Variants in EPC2 observed in about 807,000 individuals in gnomAD.
EPC2 encodes the protein enhancer of polycomb homolog 2.
Under a neutral mutation model 92.1 loss-of-function variants are expected in EPC2, and 14 were observed. The ratio of observed to expected loss-of-function variants is 0.15; its 90% CI spans 0.10 to 0.24. The LOEUF (loss-of-function observed/expected upper bound fraction) is 0.24. Among genes scored for constraint, EPC2 ranks in the 10% least tolerant of loss-of-function variants. EPC2 has a pLI of 1.00. For synonymous variants in EPC2, 340 were observed against 334.7 expected (o/e 1.02, Z -0.17); for missense variants, 755 against 971.5 (o/e 0.78, Z 2.96).
chr2:148,696,845 C>T (rs1362221217), intron 2 of EPC2, among the ~76,000 whole-genome samples: 1 of 152,168 alleles, frequency 6.6e-6, no homozygotes, highest in African/African-American at 2.4e-5. Context: ...AGGAAATTTG[C>T]CTTCTCATCT....
At chr2:148,782,994 T>C (rs932317173) in intron 11 of EPC2, among the ~76,000 whole-genome samples, 1 of 152,182 alleles carries the variant, frequency 6.6e-6, no homozygotes, top group Non-Finnish European at 1.5e-5. Flanking sequence ...ACTTTAAAGA[T>C]CCTGACTCCA....
chr2:148,748,770 C>A (rs551060185), intron 3 of EPC2, among the ~76,000 whole-genome samples: 2 of 151,930 alleles, frequency 1.3e-5, no homozygotes, highest in African/African-American at 4.8e-5. Context: ...TGTCAAATAA[C>A]GTCAGGTGTG....
intron 10 of EPC2, among the ~76,000 whole-genome samples, chr2:148,777,960 A>T (rs550315034): frequency 6.6e-6 from 1 of 152,326 alleles, no homozygotes; most frequent in Admixed American, 6.5e-5. Context: ...TAACGTCCTG[A>T]ATGACATATT....
chr2:148,726,727 A>C (rs534106474), intron 2 of EPC2, among the ~76,000 whole-genome samples: 7 of 139,094 alleles, frequency 5.0e-5, no homozygotes, highest in African/African-American at 1.8e-4. Flanking sequence ...AAAATCTTTA[A>C]ATTTTTGCTT....
intron 2 of EPC2, among the ~76,000 whole-genome samples, chr2:148,728,301 TTTTG>T (rs142636211): frequency 0.061 from 9,283 of 152,198 alleles, 300 homozygotes; most frequent in East Asian, 0.11. Context: ...ACCTTGCTTT[TTTTG>T]TTTGTTTGTT....
chr2:148,740,226 CTCTT>C lies in EPC2; in HGVS notation c.314-3394_314-3391del, dbSNP rs558891850. Among the ~76,000 whole-genome samples, 6 of 148,908 alleles carry C rather than the reference CTCTT, an allele frequency of 4.0e-5. No homozygotes were observed. The East Asian group carries it at 1.2e-3, about 29-fold the overall frequency. On this transcript the variant is annotated intron_variant, in intron 2 of 13. Coordinates refer to ENST00000258484, the MANE Select transcript of EPC2 (RefSeq NM_015630.4). The stretch of plus-strand genomic sequence containing the variant: ...TTTATTCAGTAGCTTTTAGTATGTC[CTCTT>C]TTTTTTTTTTTCTCTAAGTGCCATG...
chr2:148,770,881 T>C lies in EPC2; in HGVS notation c.1320T>C (p.Leu440=), dbSNP rs759765288. ...GGTATAGGCATTGCCTTACAACACT[T>C]ACAGTCCCAAGAAGATGTATAGGAT... ...KLRYRHCLTT[L]TVPRRCIGFA... is the part of the protein sequence containing the mutation. Residue 440 remains leucine (L), a synonymous_variant, in exon 9 of 14, where the codon CTT becomes CTC. Transcript: ENST00000258484. 2 of 1,613,664 alleles carry C rather than the reference T, an allele frequency of 1.2e-6. No individual in the cohort carries two copies. The highest frequency in any genetic ancestry group is 1.3e-5 in the African/African-American group (1 of 74,934).
At chr2:148,700,106 T>C (rs1476049918) in intron 2 of EPC2, among the ~76,000 whole-genome samples, 2 of 152,190 alleles carry the variant, frequency 1.3e-5, no homozygotes, top group Non-Finnish European at 2.9e-5. Context: ...TAAGTGTTCT[T>C]TATATATTTT....
chr2:148,676,281 A>G (rs943999802), intron 1 of EPC2, among the ~76,000 whole-genome samples: 4 of 152,214 alleles, frequency 2.6e-5, no homozygotes, highest in African/African-American at 4.8e-5. Context: ...CAGAATGTCA[A>G]AGTAGCTATA....
chr2:148,743,744 C>G lies in EPC2; in HGVS notation c.436C>G (p.Leu146Val). The change falls in exon 3 of 14, where the codon CTT becomes GTT. Residue 146 changes from leucine (L) to valine (V), a missense_variant. Leu to Val is a conservative substitution (Grantham distance 32). Coordinates refer to ENST00000258484, the MANE Select transcript of EPC2 (RefSeq NM_015630.4). ...PLQFEIMIDR[L>V]EKASSNQLVT... ...GCAATTTGAAATTATGATTGACAGA[C>G]TTGAAAAAGCCAGTTCTAATCAGGT... The G allele has an allele frequency of 1.9e-6, 3 of 1,599,528 alleles. No individual in the cohort carries two copies. The highest frequency in any genetic ancestry group is 2.6e-6 in the Non-Finnish European group (3 of 1,174,374).
intron 2 of EPC2, among the ~76,000 whole-genome samples, chr2:148,731,449 C>G (rs141774381): frequency 6.6e-6 from 1 of 152,220 alleles, no homozygotes; most frequent in East Asian, 1.9e-4. Flanking sequence ...GTCACCCAGG[C>G]TGGAGTGCAA....
chr2:148,650,230 C>G (rs924138685), intron 1 of EPC2, among the ~76,000 whole-genome samples: 4 of 152,074 alleles, frequency 2.6e-5, no homozygotes, highest in Non-Finnish European at 5.9e-5. Flanking sequence ...GCTTCTATTT[C>G]TTTTTCTGTT....
chr2:148,663,286 T>C (rs1022911886), intron 1 of EPC2, among the ~76,000 whole-genome samples: 1 of 149,894 alleles, frequency 6.7e-6, no homozygotes, highest in African/African-American at 2.4e-5. Flanking sequence ...TGGCGCTATC[T>C]TGGCTCACTG....
chr2:148,646,474 G>GAT (rs1187072165), intron 1 of EPC2, among the ~76,000 whole-genome samples: 2 of 151,078 alleles, frequency 1.3e-5, no homozygotes, highest in South Asian at 2.1e-4. Flanking sequence ...ATATGTAATA[G>GAT]ATATATATAC....
intron 3 of EPC2, among the ~76,000 whole-genome samples, chr2:148,752,803 A>G (rs1039578784): frequency 6.6e-6 from 1 of 152,192 alleles, no homozygotes; most frequent in Non-Finnish European, 1.5e-5. Context: ...ACAAGAAATC[A>G]TGAGAAATTT....
At chr2:148,781,026 A>G (rs1041778390) in intron 10 of EPC2, among the ~76,000 whole-genome samples, 14 of 152,310 alleles carry the variant, frequency 9.2e-5, no homozygotes, top group African/African-American at 3.1e-4. Context: ...CTGAGGATAC[A>G]TAGTATCTTC....
chr2:148,717,193 ATTTTTTTTTTTTTT>A (rs61215161), intron 2 of EPC2, among the ~76,000 whole-genome samples: 1 of 100,894 alleles, frequency 9.9e-6, no homozygotes, highest in Non-Finnish European at 2.0e-5. Flanking sequence ...GGATTCATTG[ATTTTTTTTTTTTTT>A]TTTTTTGAGG....
intron 4 of EPC2, among the ~76,000 whole-genome samples, chr2:148,760,695 C>T (rs1683286621): frequency 6.6e-6 from 1 of 151,956 alleles, no homozygotes; most frequent in Non-Finnish European, 1.5e-5. Flanking sequence ...TTTTAATATT[C>T]GATGTGGAAT....
At chr2:148,695,217 C>T (rs1681721757) in intron 2 of EPC2, among the ~76,000 whole-genome samples, 1 of 152,204 alleles carries the variant, frequency 6.6e-6, no homozygotes, top group African/African-American at 2.4e-5. Context: ...GTCTTACAAA[C>T]ATAGAACAGT....
Sources: allele counts gnomAD v4.1 joint callset (sites outside exome capture counted in the v4.1 genomes callset), GRCh38; gene constraint gnomAD v4.1.1; transcripts MANE v1.5; gene names NCBI Gene and HGNC (gene_info 2026-07-23, HGNC 2026-07-21).